The following KDM4C variants were observed in gnomAD, a reference collection of about 807,000 sequenced individuals.
KDM4C encodes the protein lysine demethylase 4C, also known as lysine-specific demethylase 4C.
Under a neutral mutation model 129.3 loss-of-function variants are expected in KDM4C, and 81 were observed. The observed-to-expected ratio is 0.63, with a 90% CI of 0.52 to 0.75. The LOEUF (loss-of-function observed/expected upper bound fraction) is 0.75. Among genes scored for constraint, KDM4C ranks in the 30% least tolerant of loss-of-function variants. KDM4C has a pLI of 0.00. For synonymous variants in KDM4C, 573 were observed against 456.1 expected (o/e 1.26, Z -3.26); for missense variants, 1,457 against 1,304.0 (o/e 1.12, Z -1.81).
In KDM4C at chr9:6,886,871, G is replaced by A. The variant is rs190898191; in HGVS notation, c.680-1089G>A. Among the ~76,000 whole-genome samples, 8 of 152,224 alleles carry A rather than the reference G, an allele frequency of 5.3e-5. No homozygotes were observed. In the East Asian group the frequency reaches 1.5e-3, roughly 29 times the overall value. On this transcript the variant is annotated intron_variant, in intron 6 of 21. Transcript: ENST00000381309. ...GGCCTCAAGTGATCCACCTGCCTTG[G>A]CTTCCCAAAGTGGTGGGATTACAGG...
At chr9:6,777,056 C>T (rs2130710030) in intron 1 of KDM4C, among the ~76,000 whole-genome samples, 1 of 152,306 alleles carries the variant, frequency 6.6e-6, no homozygotes, top group Non-Finnish European at 1.5e-5. Context: ...CCTCACCCTT[C>T]TGTATTTTCA....
chr9:7,072,607 C>G (rs900416138), intron 17 of KDM4C, among the ~76,000 whole-genome samples: 3 of 152,074 alleles, frequency 2.0e-5, no homozygotes, highest in African/African-American at 7.2e-5. Context: ...AGTGCTGGGC[C>G]TTATGCATGG....
At chr9:6,910,804 T>C (rs1444772723) in intron 8 of KDM4C, among the ~76,000 whole-genome samples, 1 of 152,190 alleles carries the variant, frequency 6.6e-6, no homozygotes, top group Non-Finnish European at 1.5e-5. Context: ...AAAAAATTGA[T>C]AGCAAGTAAA....
intron 18 of KDM4C, among the ~76,000 whole-genome samples, chr9:7,111,133 CAG>C (rs1305736717): frequency 6.6e-6 from 1 of 151,748 alleles, no homozygotes; most frequent in Non-Finnish European, 1.5e-5. Context: ...TTTGATGAGA[CAG>C]TGGTGGGAAA....
At chr9:6,832,575 G>A (rs1158786234) in intron 4 of KDM4C, among the ~76,000 whole-genome samples, 1 of 141,268 alleles carries the variant, frequency 7.1e-6, no homozygotes, top group African/African-American at 2.6e-5. Flanking sequence ...ACAGGCGCCC[G>A]CCACCATGCC....
rs1416183676 is a variant in KDM4C, at chr9:6,893,150, G to C, written c.839G>C (p.Gly280Ala). The change falls in exon 8 of 22, where the codon GGT (glycine) becomes GCT (alanine). Residue 280 changes from glycine (G) to alanine (A), a missense_variant. Transcript: ENST00000381309. The stretch of plus-strand genomic sequence containing the variant: ...ACTTTCCCATATGGCTACCATGCTG[G>C]TTTTAATCATGGTTTCAACTGTGCA... ...MITFPYGYHA[G>A]FNHGFNCAES... 6.2e-7 allele frequency: 1 copy of C among 1,605,688 alleles called. No homozygotes were observed.
intron 1 of KDM4C, among the ~76,000 whole-genome samples, chr9:6,776,293 C>T (rs1231382326): frequency 6.6e-6 from 1 of 152,154 alleles, no homozygotes; most frequent in Non-Finnish European, 1.5e-5. Context: ...GAGATGGAGT[C>T]TCGCGCTGTT....
At chr9:6,778,948 C>T (rs1372729038) in intron 1 of KDM4C, among the ~76,000 whole-genome samples, 2 of 151,362 alleles carry the variant, frequency 1.3e-5, no homozygotes, top group African/African-American at 4.9e-5. Flanking sequence ...TCTTTAACTC[C>T]TGACCTCAGG....
chr9:7,095,360 T>C (rs982182840), intron 17 of KDM4C, among the ~76,000 whole-genome samples: 2 of 152,268 alleles, frequency 1.3e-5, no homozygotes, highest in Non-Finnish European at 2.9e-5. Flanking sequence ...TTGCTAAGGA[T>C]AATTAGTTCT....
intron 21 of KDM4C, among the ~76,000 whole-genome samples, chr9:7,172,630 G>T (rs7031978): frequency 0.036 from 5,427 of 152,316 alleles, 319 homozygotes; most frequent in African/African-American, 0.12. Flanking sequence ...TAGGTGGTAT[G>T]TGGGGGAAGC....
chr9:6,893,669 G>A (rs946928), intron 8 of KDM4C: 152,128 of 152,900 alleles, frequency 0.99, 75,682 homozygotes, highest in East Asian at 1. Context: ...GTTGGTAGGA[G>A]GAAATGATTA....
chr9:6,878,236 T>G (rs894982528), intron 5 of KDM4C, among the ~76,000 whole-genome samples: 2 of 152,216 alleles, frequency 1.3e-5, no homozygotes, highest in African/African-American at 4.8e-5. Context: ...TTTTCATCCT[T>G]TGATTATTTC....
chr9:7,128,885 A>T (rs1370024560), intron 19 of KDM4C, among the ~76,000 whole-genome samples: 1 of 152,138 alleles, frequency 6.6e-6, no homozygotes, highest in East Asian at 1.9e-4. Flanking sequence ...CTGAGGAACT[A>T]GTGAACGTGT....
chr9:7,094,146 G>T (rs1836133629), intron 17 of KDM4C, among the ~76,000 whole-genome samples: 2 of 152,176 alleles, frequency 1.3e-5, no homozygotes, highest in African/African-American at 4.8e-5. Context: ...ATCACAAATA[G>T]ATCACTGCAG....
chr9:7,131,879 G>A lies in KDM4C; in HGVS notation c.2781+3643G>A, dbSNP rs539927065. Among the ~76,000 whole-genome samples, 5 of 152,284 alleles carry A rather than the reference G, an allele frequency of 3.3e-5. No individual in the cohort carries two copies. In the East Asian group the frequency reaches 9.6e-4, roughly 29 times the overall value. ...CTCAGAGAAATCTTGTTTTCATTAGGTGATATACCTGTAGCATGAGCAACT... is the reference window on the plus strand; with the variant it reads ...CTCAGAGAAATCTTGTTTTCATTAGATGATATACCTGTAGCATGAGCAACT... On this transcript the variant is annotated intron_variant, in intron 19 of 21. Transcript: ENST00000381309.
chr9:6,851,202 C>G (rs1838784331), intron 5 of KDM4C, among the ~76,000 whole-genome samples: 1 of 152,264 alleles, frequency 6.6e-6, no homozygotes, highest in African/African-American at 2.4e-5. Context: ...CGGTGCTGAC[C>G]TCCTGGGCTC....
chr9:7,139,013 T>C (rs10081790), intron 19 of KDM4C, among the ~76,000 whole-genome samples: 5,526 of 152,210 alleles, frequency 0.036, 343 homozygotes, highest in African/African-American at 0.13. Context: ...GGCTGACACC[T>C]GGAATCCCAG....
At chr9:7,001,875 A>T (rs1463879564) in intron 12 of KDM4C, among the ~76,000 whole-genome samples, 1 of 151,820 alleles carries the variant, frequency 6.6e-6, no homozygotes, top group Non-Finnish European at 1.5e-5. Context: ...ATGAATCTGG[A>T]GGTTTTTCCC....
At chr9:6,732,149 G>A (rs374829097) in intron 1 of KDM4C, among the ~76,000 whole-genome samples, 8 of 150,954 alleles carry the variant, frequency 5.3e-5, no homozygotes, top group Middle Eastern at 3.4e-3. Context: ...GGCGGATCAC[G>A]AGGTCAGGAG....
Sources: gnomAD v4.1 joint callset for allele counts (sites outside exome capture counted in the v4.1 genomes callset) on GRCh38, gnomAD v4.1.1 for gene constraint, MANE v1.5 for transcripts, NCBI Gene and HGNC (gene_info 2026-07-23, HGNC 2026-07-21) for gene names.